The following AGBL1 variants were observed in gnomAD, a reference collection of about 807,000 sequenced individuals.
The protein encoded by AGBL1 is cytosolic carboxypeptidase 4.
In AGBL1, 130 loss-of-function variants were observed where a neutral mutation model predicts 118.9. The observed-to-expected ratio is 1.09, with a 90% CI of 0.95 to 1.26. AGBL1 has a LOEUF of 1.26. Ranked by LOEUF, AGBL1 falls within the 50% of genes most tolerant of loss-of-function variation. The pLI is 0.00. For synonymous variants in AGBL1, 555 were observed against 478.9 expected (o/e 1.16, Z -2.08); for missense variants, 1,584 against 1,298.1 (o/e 1.22, Z -3.38).
intron 24 of AGBL1, among the ~76,000 whole-genome samples, chr15:86,989,383 T>A (rs2594324): frequency 0.81 from 123,857 of 152,144 alleles, 51,050 homozygotes; most frequent in South Asian, 0.95. Context: ...TTTATTAGGT[T>A]AGTAGAGTTT....
intron 24 of AGBL1, among the ~76,000 whole-genome samples, chr15:87,017,501 G>A (rs890289750): frequency 1.3e-5 from 2 of 152,140 alleles, no homozygotes; most frequent in Non-Finnish European, 2.9e-5. Flanking sequence ...GAAAAACCAA[G>A]GCAACTAGGG....
At chr15:86,202,101 T>A (rs538325659) in intron 5 of AGBL1, among the ~76,000 whole-genome samples, 1 of 152,272 alleles carries the variant, frequency 6.6e-6, no homozygotes, top group East Asian at 1.9e-4. Flanking sequence ...GACACCAGCC[T>A]GGCCAACATG....
At chr15:86,537,950 C>T (rs927446216) in intron 19 of AGBL1, among the ~76,000 whole-genome samples, 3 of 152,152 alleles carry the variant, frequency 2.0e-5, no homozygotes, top group Admixed American at 1.3e-4. Context: ...AACAAAGCCA[C>T]ATATTAGATT....
At chr15:86,123,733 T>C (rs1167279531) in intron 1 of AGBL1, among the ~76,000 whole-genome samples, 2 of 152,200 alleles carry the variant, frequency 1.3e-5, no homozygotes, top group African/African-American at 4.8e-5. Flanking sequence ...GTCTTATGTC[T>C]CCCTAAAGGG....
chr15:86,412,000 T>G (rs2081627459), intron 18 of AGBL1, among the ~76,000 whole-genome samples: 1 of 152,198 alleles, frequency 6.6e-6, no homozygotes, highest in Non-Finnish European at 1.5e-5. Flanking sequence ...GACTTATCCC[T>G]AGGTCTTTAA....
At chr15:86,639,975 G>A (rs567408109) in intron 21 of AGBL1, among the ~76,000 whole-genome samples, 1 of 152,292 alleles carries the variant, frequency 6.6e-6, no homozygotes, top group African/African-American at 2.4e-5. Flanking sequence ...CTGAATGGAT[G>A]GTGTGTGTAC....
intron 24 of AGBL1, among the ~76,000 whole-genome samples, chr15:87,010,755 T>C (rs2081551216): frequency 6.6e-6 from 1 of 152,218 alleles, no homozygotes; most frequent in South Asian, 2.1e-4. Flanking sequence ...GAAAATAGCC[T>C]ATCATGGGAC....
At chr15:86,093,177 G>T (rs574304762) in intron 1 of AGBL1, among the ~76,000 whole-genome samples, 147 of 152,250 alleles carry the variant, frequency 9.7e-4, no homozygotes, top group Non-Finnish European at 1.7e-3. Context: ...AAGTTAAAGT[G>T]AACCACACAC....
chr15:86,881,761 A>C (rs1596586864), intron 22 of AGBL1, among the ~76,000 whole-genome samples: 1 of 152,212 alleles, frequency 6.6e-6, no homozygotes, highest in East Asian at 1.9e-4. Flanking sequence ...TCAGCCTCCC[A>C]AGTAGCTGGG....
chr15:87,021,921 A>G (rs2081668657), intron 24 of AGBL1, among the ~76,000 whole-genome samples: 1 of 151,964 alleles, frequency 6.6e-6, no homozygotes, highest in African/African-American at 2.4e-5. Context: ...CATGCCAAAT[A>G]CTCTGCTGGT....
intron 22 of AGBL1, among the ~76,000 whole-genome samples, chr15:86,813,971 CTG>C (rs1455794284): frequency 6.6e-6 from 1 of 152,152 alleles, no homozygotes; most frequent in Non-Finnish European, 1.5e-5. Context: ...GACTGTGAAA[CTG>C]AGTCTAGATC....
intron 22 of AGBL1, among the ~76,000 whole-genome samples, chr15:86,899,578 A>G (rs984304693): frequency 6.6e-6 from 1 of 152,182 alleles, no homozygotes; most frequent in Non-Finnish European, 1.5e-5. Flanking sequence ...TCAAAATCTT[A>G]AAATTCTTTA....
intron 19 of AGBL1, among the ~76,000 whole-genome samples, chr15:86,542,202 T>C (rs1567048291): frequency 6.6e-6 from 1 of 152,092 alleles, no homozygotes; most frequent in Non-Finnish European, 1.5e-5. Context: ...CTCTAGGAGA[T>C]AGAAATGTAT....
At chr15:86,570,875 G>A (rs2083996548) in intron 21 of AGBL1, among the ~76,000 whole-genome samples, 1 of 152,146 alleles carries the variant, frequency 6.6e-6, no homozygotes, top group Admixed American at 6.5e-5. Flanking sequence ...GGCTGGACTT[G>A]GCTCATGCTA....
intron 17 of AGBL1, among the ~76,000 whole-genome samples, chr15:86,360,422 G>A (rs1478698255): frequency 6.6e-6 from 1 of 150,700 alleles, no homozygotes; most frequent in Non-Finnish European, 1.5e-5. Flanking sequence ...CATGGTGCAT[G>A]ATCCCTTTAA....
At chr15:86,080,257 A>G in intron 1 of AGBL1, 1 of 368,558 alleles carries the variant, frequency 2.7e-6, no homozygotes, top group Admixed American at 4.6e-5. Context: ...TCCTCGTGGG[A>G]TCAGAGGCTC....
At chr15:86,771,931 C>T (rs1181707720) in intron 22 of AGBL1, among the ~76,000 whole-genome samples, 1 of 152,038 alleles carries the variant, frequency 6.6e-6, no homozygotes, top group South Asian at 2.1e-4. Flanking sequence ...TTACATATAG[C>T]AGCCCTGGGA....
At chr15:86,858,660 C>A (rs2079519605) in intron 22 of AGBL1, among the ~76,000 whole-genome samples, 1 of 152,294 alleles carries the variant, frequency 6.6e-6, no homozygotes, top group Middle Eastern at 3.4e-3. Context: ...AGCTTACATG[C>A]TCAGGAGGGA....
chr15:86,873,249 T>C (rs1264626488), intron 22 of AGBL1, among the ~76,000 whole-genome samples: 2 of 152,164 alleles, frequency 1.3e-5, no homozygotes, highest in African/African-American at 2.4e-5. Context: ...CAAAGGCATG[T>C]TGGTTTTTCC....
Sources: gnomAD v4.1 joint callset for allele counts (sites outside exome capture counted in the v4.1 genomes callset) on GRCh38, gnomAD v4.1.1 for gene constraint, MANE v1.5 for transcripts, NCBI Gene and HGNC (gene_info 2026-07-23, HGNC 2026-07-21) for gene names.